CNTN4: variants seen among roughly 807,000 people sequenced by gnomAD.
CNTN4 encodes the protein contactin-4.
In CNTN4, 77 loss-of-function variants were observed where a neutral mutation model predicts 122.5. That is an observed-to-expected ratio of 0.63 (90% CI 0.52 to 0.76). The LOEUF is 0.76. Among genes scored for constraint, CNTN4 ranks in the 30% least tolerant of loss-of-function variants. The probability of loss-of-function intolerance (pLI) is 0.00; values close to 1 mark genes in which losing one functional copy is unlikely to be tolerated. For synonymous variants in CNTN4, 512 were observed against 447.0 expected (o/e 1.15, Z -1.83); for missense variants, 1,256 against 1,259.1 (o/e 1.00, Z 0.04).
intron 2 of CNTN4, among the ~76,000 whole-genome samples, chr3:2,205,234 A>T (rs899664429): frequency 6.6e-6 from 1 of 150,796 alleles, no homozygotes; most frequent in South Asian, 2.1e-4. Flanking sequence ...AATAATAAAA[A>T]GTTTTTTTAT....
At chr3:2,130,580 T>C (rs2034403870) in intron 2 of CNTN4, among the ~76,000 whole-genome samples, 1 of 152,206 alleles carries the variant, frequency 6.6e-6, no homozygotes, top group South Asian at 2.1e-4. Context: ...TTTGTTCCTT[T>C]GGCACAATTT....
chr3:2,726,245 T>C (rs2088214465), intron 4 of CNTN4, among the ~76,000 whole-genome samples: 1 of 152,220 alleles, frequency 6.6e-6, no homozygotes, highest in Non-Finnish European at 1.5e-5. Flanking sequence ...AGTCCTGCAA[T>C]GGAGTCTCAT....
chr3:2,510,737 T>C (rs995391331), intron 3 of CNTN4, among the ~76,000 whole-genome samples: 10 of 152,258 alleles, frequency 6.6e-5, no homozygotes, highest in African/African-American at 2.2e-4. Flanking sequence ...TGTTTAAAAA[T>C]GTTCACATTC....
intron 3 of CNTN4, among the ~76,000 whole-genome samples, chr3:2,350,267 A>T (rs1009885428): frequency 6.6e-6 from 1 of 152,184 alleles, no homozygotes; most frequent in Non-Finnish European, 1.5e-5. Flanking sequence ...TAATGACAGA[A>T]CCTAAGGTAT....
chr3:2,595,762 C>T (rs1047983419), intron 4 of CNTN4, among the ~76,000 whole-genome samples: 1 of 152,148 alleles, frequency 6.6e-6, no homozygotes, highest in East Asian at 1.9e-4. Context: ...GAGTGAGTAT[C>T]CAGCGTTATT....
At chr3:2,873,863 ATTAT>A (rs1410855350) in intron 8 of CNTN4, among the ~76,000 whole-genome samples, 1 of 152,202 alleles carries the variant, frequency 6.6e-6, no homozygotes, top group Non-Finnish European at 1.5e-5. Context: ...ATAATTTTAT[ATTAT>A]TTAAGATCTA....
chr3:2,477,459 A>G (rs998457100), intron 3 of CNTN4, among the ~76,000 whole-genome samples: 2 of 152,256 alleles, frequency 1.3e-5, no homozygotes, highest in African/African-American at 4.8e-5. Flanking sequence ...AATTATAACA[A>G]CCTTACAAAC....
chr3:2,347,481 C>T (rs2044443177), intron 3 of CNTN4, among the ~76,000 whole-genome samples: 1 of 140,044 alleles, frequency 7.1e-6, no homozygotes, highest in Non-Finnish European at 1.5e-5. Context: ...ACCATCTCGG[C>T]TGACTGCAAC....
At chr3:2,446,041 G>T (rs181482047) in intron 3 of CNTN4, among the ~76,000 whole-genome samples, 4 of 152,268 alleles carry the variant, frequency 2.6e-5, no homozygotes. Flanking sequence ...TGACTAGATG[G>T]ACAGATGAAT....
At chr3:2,175,978 C>T (rs1009935874) in intron 2 of CNTN4, among the ~76,000 whole-genome samples, 1 of 152,164 alleles carries the variant, frequency 6.6e-6, no homozygotes, top group African/African-American at 2.4e-5. Context: ...ACTCAAGTTA[C>T]CTGAAAATAT....
chr3:2,480,138 T>TAA (rs34620234), intron 3 of CNTN4, among the ~76,000 whole-genome samples: 20 of 151,610 alleles, frequency 1.3e-4, no homozygotes, highest in African/African-American at 3.1e-4. Flanking sequence ...AAAGAATATC[T>TAA]AAAAAAAACC....
chr3:2,387,526 T>G (rs1413513723), intron 3 of CNTN4, among the ~76,000 whole-genome samples: 3 of 152,170 alleles, frequency 2.0e-5, no homozygotes, highest in South Asian at 2.1e-4. Flanking sequence ...TTTTATTGTT[T>G]AAGAAATTTG....
Position 3,037,332 on chromosome 3 carries a change from A to C in CNTN4, c.2092+4A>C. ...AAACGGAGAACAGAAGAAGCTCGTG[A>C]GTAGCACCCGAGATTCAGATCATCT... On this transcript the variant is annotated splice_donor_region_variant and intron_variant, in intron 18 of 24. Coordinates refer to ENST00000418658, the MANE Select transcript of CNTN4 (RefSeq NM_175607.3). 10 of 1,614,172 alleles carry C rather than the reference A, an allele frequency of 6.2e-6. 1 individual carries two copies.
At chr3:2,772,423 A>C (rs1277730329) in intron 6 of CNTN4, among the ~76,000 whole-genome samples, 1 of 149,738 alleles carries the variant, frequency 6.7e-6, no homozygotes, top group African/African-American at 2.5e-5. Flanking sequence ...AGTAAAGAGT[A>C]CAGAAAGAAA....
At chr3:2,352,249 G>A (rs1456770967) in intron 3 of CNTN4, among the ~76,000 whole-genome samples, 7 of 152,088 alleles carry the variant, frequency 4.6e-5, no homozygotes, top group African/African-American at 1.4e-4. Context: ...AGCAGCCCTC[G>A]CTCACTGTGG....
intron 13 of CNTN4, among the ~76,000 whole-genome samples, chr3:2,958,865 C>T (rs2094826170): frequency 6.6e-6 from 1 of 152,168 alleles, no homozygotes; most frequent in Non-Finnish European, 1.5e-5. Context: ...ATTTTATGAA[C>T]TTATGGATCC....
chr3:2,340,706 T>TAGAGAGAGAGAGAGAGAGAGAGGGGG (rs1176854234), intron 3 of CNTN4, among the ~76,000 whole-genome samples: 4 of 24,074 alleles, frequency 1.7e-4, no homozygotes, highest in Admixed American at 7.3e-4. Flanking sequence ...TATATATATA[T>TAGAGAGAGAGAGAGAGAGAGAGGGGG]ATATAGAGAG....
chr3:2,986,620 T>C (rs1484602887), intron 13 of CNTN4, among the ~76,000 whole-genome samples: 1 of 152,232 alleles, frequency 6.6e-6, no homozygotes, highest in East Asian at 1.9e-4. Context: ...GTTTTTATAA[T>C]GCTTGCTCAA....
chr3:2,939,941 T>C (rs4685584), intron 13 of CNTN4, among the ~76,000 whole-genome samples: 114,874 of 152,186 alleles, frequency 0.75, 43,551 homozygotes, highest in Middle Eastern at 0.9. Flanking sequence ...ATTTACACCA[T>C]GGAAATAGGC....
Sources: gnomAD v4.1 joint callset for allele counts (sites outside exome capture counted in the v4.1 genomes callset) on GRCh38, gnomAD v4.1.1 for gene constraint, MANE v1.5 for transcripts, NCBI Gene and HGNC (gene_info 2026-07-23, HGNC 2026-07-21) for gene names.